Variants in TGFA observed in about 807,000 individuals in gnomAD.
The protein encoded by TGFA is protransforming growth factor alpha.
In TGFA, 12 loss-of-function variants were observed where a neutral mutation model predicts 21.7. That is an observed-to-expected ratio of 0.55 (90% CI 0.35 to 0.90). TGFA has a LOEUF of 0.90. TGFA is among the 40% of genes least tolerant of loss of function. The probability of loss-of-function intolerance (pLI) is 0.01; values close to 1 mark genes in which losing one functional copy is unlikely to be tolerated. For synonymous variants in TGFA, 79 were observed against 88.1 expected (o/e 0.90, Z 0.58); for missense variants, 178 against 210.8 (o/e 0.84, Z 0.96).
chr2:70,524,382 C>T (rs1479954534), intron 1 of TGFA, among the ~76,000 whole-genome samples: 4 of 152,256 alleles, frequency 2.6e-5, no homozygotes, highest in African/African-American at 9.6e-5. Flanking sequence ...TTATCAAAGA[C>T]TTAGACCAGG....
intron 2 of TGFA, among the ~76,000 whole-genome samples, chr2:70,488,783 AG>A (rs1236199988): frequency 1.3e-5 from 2 of 152,216 alleles, no homozygotes; most frequent in African/African-American, 4.8e-5. Flanking sequence ...ATTTACAACA[AG>A]GAGTTTTCCT....
chr2:70,454,490 A>AG (rs1358714311), intron 4 of TGFA, among the ~76,000 whole-genome samples: 1 of 152,218 alleles, frequency 6.6e-6, no homozygotes, highest in African/African-American at 2.4e-5. Flanking sequence ...ATCCCATGCC[A>AG]GGGGGCTCTA....
At chr2:70,468,342 G>A (rs1553492649) in intron 2 of TGFA, 1 of 152,194 alleles carries the variant, frequency 6.6e-6, no homozygotes, top group Non-Finnish European at 1.5e-5. Flanking sequence ...AGGACTGCTG[G>A]GTCCAGTTGC....
At chr2:70,508,265 C>T (rs984620950) in intron 2 of TGFA, among the ~76,000 whole-genome samples, 18 of 152,176 alleles carry the variant, frequency 1.2e-4, no homozygotes, top group East Asian at 1.2e-3. Context: ...GCCTACACGG[C>T]GAAACCCTGT....
rs782335405 is a variant in TGFA at position 70,553,764 on chromosome 2, C to T, written c.4G>A (p.Val2Ile). ...AGGGCGAGCTGTCCAGCCGAGGGGA[C>T]CATTTTACGGGCGGGCGGGCAGCAG... M[V>I]PSAGQLALFA... The change falls in exon 1 of 6, where the codon GTC becomes ATC. Residue 2 changes from valine (V) to isoleucine (I), a missense_variant. Transcript: ENST00000295400. 58 of 1,288,236 alleles carry T rather than the reference C, an allele frequency of 4.5e-5. 1 individual carries two copies. The East Asian group carries it at 1.7e-3, about 37-fold the overall frequency. The allele number at this position is 1,288,236 out of a possible 1,614,324, so 79.8% of individuals were successfully genotyped here. A position where few individuals can be genotyped will look rare whatever the true frequency, so the allele number is the denominator to read the frequency against.
At chr2:70,467,168 C>T (rs376243974) in intron 2 of TGFA, among the ~76,000 whole-genome samples, 2 of 152,236 alleles carry the variant, frequency 1.3e-5, no homozygotes, top group East Asian at 3.9e-4. Context: ...CGAACCTGCA[C>T]ATCCTGCACA....
chr2:70,510,947 C>T (rs1553500855), intron 2 of TGFA, among the ~76,000 whole-genome samples: 1 of 151,924 alleles, frequency 6.6e-6, no homozygotes, highest in African/African-American at 2.4e-5. Context: ...TTGAGACCAG[C>T]CTGGGCAACA....
At chr2:70,499,655 A>G (rs1452001290) in intron 2 of TGFA, among the ~76,000 whole-genome samples, 2 of 152,218 alleles carry the variant, frequency 1.3e-5, no homozygotes, top group Non-Finnish European at 2.9e-5. Flanking sequence ...GAGAGCTAGT[A>G]TTCACTTATT....
intron 1 of TGFA, among the ~76,000 whole-genome samples, chr2:70,538,953 A>G (rs1553504852): frequency 6.6e-6 from 1 of 152,224 alleles, no homozygotes; most frequent in African/African-American, 2.4e-5. Context: ...TCGTTGTCTT[A>G]TTTTAAGAAA....
chr2:70,522,193 C>T (rs1175404466), intron 1 of TGFA, among the ~76,000 whole-genome samples: 1 of 152,146 alleles, frequency 6.6e-6, no homozygotes, highest in Non-Finnish European at 1.5e-5. Flanking sequence ...TTATGTTGAA[C>T]TGAATTTCTC....
intron 4 of TGFA, among the ~76,000 whole-genome samples, chr2:70,455,938 G>C (rs1315064140): frequency 6.6e-6 from 1 of 152,256 alleles, no homozygotes; most frequent in Non-Finnish European, 1.5e-5. Context: ...CCCTCGACAT[G>C]TATTTGCAAA....
At chr2:70,552,323 C>T (rs782312996) in intron 1 of TGFA, among the ~76,000 whole-genome samples, 13 of 152,208 alleles carry the variant, frequency 8.5e-5, no homozygotes, top group Admixed American at 6.5e-4. Flanking sequence ...GCTCGAATAG[C>T]ATCAGCTGTT....
At chr2:70,514,083 T>C (rs1358113389) in intron 2 of TGFA, among the ~76,000 whole-genome samples, 3 of 152,238 alleles carry the variant, frequency 2.0e-5, no homozygotes, top group South Asian at 2.1e-4. Context: ...AGAGCCACCG[T>C]AAATATCCAA....
chr2:70,551,909 G>A (rs1346938509), intron 1 of TGFA, among the ~76,000 whole-genome samples: 3 of 152,210 alleles, frequency 2.0e-5, no homozygotes, highest in African/African-American at 7.2e-5. Flanking sequence ...TCTGGGATGG[G>A]AGTGTGGGGT....
intron 4 of TGFA, 138 bp downstream of exon 4, chr2:70,456,201 C>G: frequency 8.3e-7 from 1 of 1,210,456 alleles, no homozygotes; most frequent in Non-Finnish European, 1.1e-6. Flanking sequence ...ATCAAAGTAG[C>G]ATTTAGCTTT....
At chr2:70,474,227 A>G (rs1239030596) in intron 2 of TGFA, among the ~76,000 whole-genome samples, 1 of 152,222 alleles carries the variant, frequency 6.6e-6, no homozygotes, top group Non-Finnish European at 1.5e-5. Flanking sequence ...TCTATTTTTA[A>G]GATAAGAAAA....
At chr2:70,543,639 T>C (rs1311067449) in intron 1 of TGFA, among the ~76,000 whole-genome samples, 1 of 152,160 alleles carries the variant, frequency 6.6e-6, no homozygotes, top group Non-Finnish European at 1.5e-5. Context: ...TTTAGAAATT[T>C]GAGTTGAATA....
At chr2:70,514,439 T>C (rs1485922883) in intron 2 of TGFA, among the ~76,000 whole-genome samples, 6 of 147,244 alleles carry the variant, frequency 4.1e-5, no homozygotes, top group Non-Finnish European at 8.9e-5. Flanking sequence ...TTTTTTTTTT[T>C]ACTATAAGTA....
intron 3 of TGFA, among the ~76,000 whole-genome samples, chr2:70,459,414 T>C (rs541316829): frequency 6.6e-6 from 1 of 152,320 alleles, no homozygotes; most frequent in African/African-American, 2.4e-5. Flanking sequence ...CAAAAGCTTC[T>C]AGAGGTTTGG....
Sources: gnomAD v4.1 joint callset for allele counts (sites outside exome capture counted in the v4.1 genomes callset) on GRCh38, gnomAD v4.1.1 for gene constraint, MANE v1.5 for transcripts, NCBI Gene and HGNC (gene_info 2026-07-23, HGNC 2026-07-21) for gene names.